ELOC: variants seen among roughly 807,000 people sequenced by gnomAD.
ELOC encodes elongin-C.
For synonymous variants in ELOC, 40 were observed against 51.3 expected, an observed-to-expected ratio of 0.78 and a Z score of 0.94; for missense variants, 38 against 139.0, an observed-to-expected ratio of 0.27 and a Z score of 3.65.
chr8:73,967,474 T>G (rs1210520329), intron 1 of ELOC, among the ~76,000 whole-genome samples: 2 of 150,866 alleles, frequency 1.3e-5, no homozygotes, highest in Non-Finnish European at 3.0e-5. Flanking sequence ...TTTTCTTTTT[T>G]TTTTTTTTTT....
chr8:73,964,879 T>C (rs565794356), intron 1 of ELOC, among the ~76,000 whole-genome samples: 10 of 151,772 alleles, frequency 6.6e-5, no homozygotes, highest in Admixed American at 2.0e-4. Flanking sequence ...ATAGAAAAAT[T>C]AGCTGGGCAT....
At position 73,971,071 on chromosome 8, in the gene ELOC, T is replaced by C. The variant is rs1256089507; in HGVS notation, c.-51+1006A>G. On this transcript the variant is annotated intron_variant, in intron 1 of 3. Coordinates refer to ENST00000520242, the MANE Select transcript of ELOC (RefSeq NM_005648.4). ...AAAAAAGAAAAAGAAAAAAAGCAAA[T>C]ATGGCAGTTAAAAAGTGAGAAAGTG... Among the ~76,000 whole-genome samples, 6 of 101,608 alleles carry C rather than the reference T, an allele frequency of 5.9e-5. No individual in the cohort carries two copies. In the South Asian group the frequency reaches 2.0e-3, roughly 35 times the overall value. The allele number at this position is 101,608 out of a possible 152,430, so 66.7% of individuals were successfully genotyped here.
At chr8:73,965,874 G>A (rs901078641) in intron 1 of ELOC, among the ~76,000 whole-genome samples, 6 of 152,168 alleles carry the variant, frequency 3.9e-5, no homozygotes, top group East Asian at 3.9e-4. Context: ...AGAGTTGGTC[G>A]TCCCAAAGAA....
At chr8:73,969,648 A>C (rs1815224568) in intron 1 of ELOC, 2 of 152,234 alleles carry the variant, frequency 1.3e-5, no homozygotes, top group Admixed American at 1.3e-4. Context: ...TCAACTCCTC[A>C]GAGAGGTCTT....
chr8:73,959,322 G>A (rs1487214467), intron 2 of ELOC, among the ~76,000 whole-genome samples: 1 of 152,128 alleles, frequency 6.6e-6, no homozygotes, highest in Non-Finnish European at 1.5e-5. Context: ...CAACTCTCTG[G>A]TCTCAGCCTC....
intron 2 of ELOC, among the ~76,000 whole-genome samples, chr8:73,956,509 T>C (rs1377618365): frequency 6.6e-6 from 1 of 152,246 alleles, no homozygotes; most frequent in Non-Finnish European, 1.5e-5. Context: ...AGTTTTTAAC[T>C]CCTTGTTTTA....
At chr8:73,950,982 C>T (rs1813716378) in intron 3 of ELOC, among the ~76,000 whole-genome samples, 1 of 152,168 alleles carries the variant, frequency 6.6e-6, no homozygotes, top group Non-Finnish European at 1.5e-5. Flanking sequence ...TTAAGATTGG[C>T]AAAATGGGCT....
chr8:73,953,947 C>A (rs1427449232), intron 3 of ELOC, among the ~76,000 whole-genome samples: 1 of 152,164 alleles, frequency 6.6e-6, no homozygotes, highest in East Asian at 1.9e-4. Flanking sequence ...AAATATTTAT[C>A]AACTGATGAA....
At position 73,949,997 on chromosome 8, in the gene ELOC, A is replaced by T. The variant is rs572486168; in HGVS notation, c.149-3177T>A. On this transcript the variant is annotated intron_variant, in intron 3 of 3. Transcript: ENST00000520242. Reference sequence around the variant, plus strand: ...TTCATCAGAGCCATGTTGTGTGTGTATATGAGGAGTGGGGGGTACAATTCA... The same window carrying T: ...TTCATCAGAGCCATGTTGTGTGTGTTTATGAGGAGTGGGGGGTACAATTCA... 3.3e-5 allele frequency among the ~76,000 whole-genome samples: 5 copies of T among 152,280 alleles called. No homozygotes were observed. The South Asian group carries it at 1.0e-3, about 32-fold the overall frequency.
intron 3 of ELOC, among the ~76,000 whole-genome samples, chr8:73,953,762 A>G (rs1156943207): frequency 6.6e-6 from 1 of 152,248 alleles, no homozygotes; most frequent in Non-Finnish European, 1.5e-5. Flanking sequence ...AAAACAATTC[A>G]GCCACCGTGA....
At chr8:73,958,883 T>A (rs1460092620) in intron 2 of ELOC, among the ~76,000 whole-genome samples, 1 of 152,144 alleles carries the variant, frequency 6.6e-6, no homozygotes, top group African/African-American at 2.4e-5. Context: ...GATGCAAACA[T>A]CCTAAGAGTG....
intron 1 of ELOC, among the ~76,000 whole-genome samples, chr8:73,963,858 C>G (rs572007843): frequency 1.3e-5 from 2 of 152,004 alleles, no homozygotes; most frequent in Non-Finnish European, 2.9e-5. Context: ...TTTGGGAGGC[C>G]GAAGGGGGTG....
intron 1 of ELOC, among the ~76,000 whole-genome samples, chr8:73,965,858 G>A (rs1414161885): frequency 1.3e-5 from 2 of 152,112 alleles, no homozygotes; most frequent in African/African-American, 4.8e-5. Context: ...TAACAGAGGA[G>A]GAATAAGAGT....
chr8:73,956,972 C>T (rs1035966554), intron 2 of ELOC, among the ~76,000 whole-genome samples: 23 of 151,780 alleles, frequency 1.5e-4, no homozygotes, highest in African/African-American at 5.1e-4. Flanking sequence ...GAGATCGAGA[C>T]CATCCTGGCT....
intron 1 of ELOC, among the ~76,000 whole-genome samples, chr8:73,963,781 A>G (rs567844310): frequency 6.6e-6 from 1 of 152,328 alleles, no homozygotes; most frequent in East Asian, 1.9e-4. Context: ...GAATACAACT[A>G]GCTTAGACAG....
intron 1 of ELOC, among the ~76,000 whole-genome samples, chr8:73,971,651 G>A (rs937031725): frequency 6.6e-6 from 1 of 151,834 alleles, no homozygotes; most frequent in Non-Finnish European, 1.5e-5. Flanking sequence ...TACCCAGAAG[G>A]TAAACTTCTC....
rs575569204 is a variant in ELOC at position 73,957,847 on chromosome 8, C to T, written c.5-1793G>A. Among the ~76,000 whole-genome samples, 1,130 of 152,262 alleles carry T rather than the reference C, an allele frequency of 7.4e-3. 10 individuals are homozygous for T. Among genetic ancestry groups the T allele is most frequent in the Non-Finnish European group, 9.1e-3 (621 of 68,032 alleles). ...GTTGTGGAGTACAGTGGCACAATCTCGGCTCACTGCAACTTCCACCTCCCA... is the reference window on the plus strand; with the variant it reads ...GTTGTGGAGTACAGTGGCACAATCTTGGCTCACTGCAACTTCCACCTCCCA... On this transcript the variant is annotated intron_variant, in intron 2 of 3. Coordinates refer to ENST00000520242, the MANE Select transcript of ELOC (RefSeq NM_005648.4).
At chr8:73,954,289 A>T (rs2131100079) in intron 3 of ELOC, among the ~76,000 whole-genome samples, 1 of 152,362 alleles carries the variant, frequency 6.6e-6, no homozygotes. Flanking sequence ...GAATGCAGTA[A>T]ACGCCACTAA....
At chr8:73,969,176 T>TA (rs1337795097) in intron 1 of ELOC, among the ~76,000 whole-genome samples, 1 of 152,246 alleles carries the variant, frequency 6.6e-6, no homozygotes, top group African/African-American at 2.4e-5. Flanking sequence ...TCGAACTCAG[T>TA]AAGTCCCATA....
Sources: gnomAD v4.1 joint callset for allele counts (sites outside exome capture counted in the v4.1 genomes callset) on GRCh38, gnomAD v4.1.1 for gene constraint, MANE v1.5 for transcripts, NCBI Gene and HGNC (gene_info 2026-07-23, HGNC 2026-07-21) for gene names.